Variants in TIAM1 observed in about 807,000 individuals in gnomAD.
The protein encoded by TIAM1 is TIAM Rac1 associated GEF 1.
Under a neutral mutation model 163.5 loss-of-function variants are expected in TIAM1, and 65 were observed. That is an observed-to-expected ratio of 0.40 (90% confidence interval 0.33 to 0.49). TIAM1 has a LOEUF of 0.49. Ranked by LOEUF, TIAM1 falls within the 20% of genes least tolerant of loss-of-function variation. The pLI is 0.77. For missense variants in TIAM1, 1,789 were observed against 2,044.7 expected (o/e 0.87, Z 2.41); for synonymous variants, 833 against 810.1 (o/e 1.03, Z -0.48).
chr21:31,553,232 G>A (rs561732589), intron 1 of TIAM1, among the ~76,000 whole-genome samples: 8 of 152,286 alleles, frequency 5.3e-5, no homozygotes, highest in East Asian at 1.9e-4. Context: ...GGTACCCCAC[G>A]GAGCTTGGGG....
chr21:31,190,305 G>A (rs755045243), intron 13 of TIAM1, among the ~76,000 whole-genome samples: 36 of 152,050 alleles, frequency 2.4e-4, no homozygotes, highest in Admixed American at 6.6e-4. Context: ...CAGCTACTTG[G>A]GAGGCTGAGG....
intron 12 of TIAM1, among the ~76,000 whole-genome samples, chr21:31,195,782 C>CT (rs61121175): frequency 1.3e-3 from 194 of 152,108 alleles, no homozygotes; most frequent in African/African-American, 4.5e-3. Flanking sequence ...GGAGGATATT[C>CT]TTTTTTTTAG....
intron 10 of TIAM1, among the ~76,000 whole-genome samples, chr21:31,210,672 A>G (rs2146559035): frequency 5.0e-5 from 4 of 79,794 alleles, no homozygotes; most frequent in African/African-American, 2.7e-4. Flanking sequence ...AAAGAAAAAG[A>G]AAGAAAGAAA....
rs939008980 is a variant in TIAM1, at chr21:31,145,433, C to A, written c.3475+1462G>T. On this transcript the variant is annotated intron_variant, in intron 20 of 27. Coordinates refer to ENST00000541036, the MANE Select transcript of TIAM1 (RefSeq NM_001353694.2). ...GCAGCTACAGTGAAGTGTTAAGGAA[C>A]AGCAAGCTGATTTCCAGAGATTCTT... Among the ~76,000 whole-genome samples the A allele has an allele frequency of 5.9e-5, 9 of 152,338 alleles. No individual in the cohort carries two copies. In the South Asian group the frequency reaches 1.9e-3, roughly 32 times the overall value.
chr21:31,316,695 C>G (rs888885873), intron 2 of TIAM1, among the ~76,000 whole-genome samples: 2 of 152,242 alleles, frequency 1.3e-5, no homozygotes, highest in Non-Finnish European at 2.9e-5. Context: ...CCTGGCCTCT[C>G]TGAGCCCTCA....
chr21:31,294,090 A>AG (rs1438459564), intron 2 of TIAM1, among the ~76,000 whole-genome samples: 1 of 152,118 alleles, frequency 6.6e-6, no homozygotes, highest in Non-Finnish European at 1.5e-5. Context: ...CAGCATGGTG[A>AG]GGGTGGGGGG....
chr21:31,242,867 AAAAAAAAAAAAAG>A (rs2146707190), intron 6 of TIAM1, among the ~76,000 whole-genome samples: 1 of 143,472 alleles, frequency 7.0e-6, no homozygotes, highest in South Asian at 2.1e-4. Context: ...TCTCAAAAAA[AAAAAAAAAAAAAG>A]AAAAAAGAAA....
At chr21:31,204,023 A>G (rs2086332043) in intron 11 of TIAM1, among the ~76,000 whole-genome samples, 1 of 152,254 alleles carries the variant, frequency 6.6e-6, no homozygotes, top group Admixed American at 6.5e-5. Flanking sequence ...CCTGTCTAAA[A>G]AGTAATCTTT....
At position 31,425,863 on chromosome 21, in the gene TIAM1, AT is replaced by A. The variant is rs557950351; in HGVS notation, c.-369+38119del. 3.6e-4 allele frequency among the ~76,000 whole-genome samples: 55 copies of A among 151,560 alleles called. 2 individuals are homozygous for A. The East Asian group carries it at 0.011, about 30-fold the overall frequency. On this transcript the variant is annotated intron_variant, in intron 2 of 28. Transcript: ENST00000286827. ...AAGCACATGCCACCACACCCACCTAATTTTTTGTACTTTTAATAGAGATAGG... is the reference window on the plus strand; with the variant it reads ...AAGCACATGCCACCACACCCACCTAATTTTTGTACTTTTAATAGAGATAGG...
intron 6 of TIAM1, among the ~76,000 whole-genome samples, chr21:31,228,868 G>A (rs1334418911): frequency 1.3e-5 from 2 of 152,180 alleles, no homozygotes; most frequent in African/African-American, 2.4e-5. Context: ...AAGCAAACAC[G>A]TCCTTCTTCT....
intron 2 of TIAM1, among the ~76,000 whole-genome samples, chr21:31,315,679 C>CAAAAAAAAAAAAAAAAAAAAAA (rs58560437): frequency 2.5e-4 from 20 of 80,248 alleles, no homozygotes; most frequent in African/African-American, 6.3e-4. Flanking sequence ...AACTCCATCT[C>CAAAAAAAAAAAAAAAAAAAAAA]AAAAAAAAAA....
chr21:31,322,235 A>C (rs1454825323), intron 2 of TIAM1, among the ~76,000 whole-genome samples: 1 of 152,100 alleles, frequency 6.6e-6, no homozygotes, highest in African/African-American at 2.4e-5. Context: ...AAGGAAAGAA[A>C]ATACTAGCTT....
At chr21:31,482,706 T>G (rs2046152772) in intron 1 of TIAM1, among the ~76,000 whole-genome samples, 2 of 152,318 alleles carry the variant, frequency 1.3e-5, no homozygotes, top group African/African-American at 4.8e-5. Context: ...CACGCCTACC[T>G]GCCTGCCCAT....
intron 27 of TIAM1, among the ~76,000 whole-genome samples, 179 bp from the exon 28 acceptor site, chr21:31,121,016 C>G (rs115876248): frequency 3.3e-5 from 5 of 152,096 alleles, no homozygotes; most frequent in East Asian, 1.9e-4. Context: ...TTTACCTTGT[C>G]GAGGTATCTG....
intron 1 of TIAM1, among the ~76,000 whole-genome samples, chr21:31,522,465 G>A (rs1013339786): frequency 3.0e-4 from 45 of 150,804 alleles, no homozygotes; most frequent in Non-Finnish European, 1.3e-4. Flanking sequence ...AGCCGAGATC[G>A]CACCATTGCA....
intron 23 of TIAM1, among the ~76,000 whole-genome samples, chr21:31,133,426 A>C (rs1401212902): frequency 6.6e-6 from 1 of 152,164 alleles, no homozygotes; most frequent in Non-Finnish European, 1.5e-5. Context: ...CTCCATTTAC[A>C]CCAGGGACAG....
chr21:31,419,490 A>T (rs906666252), intron 2 of TIAM1, among the ~76,000 whole-genome samples: 2 of 152,222 alleles, frequency 1.3e-5, no homozygotes, highest in African/African-American at 4.8e-5. Context: ...AGCAACACTT[A>T]CAAGTGAGCT....
In TIAM1 at chr21:31,120,977, T is replaced by C; in HGVS notation, c.4307-140A>G. ...CCTTGATGTCTTTTGGGGCTTAAAG[T>C]CTACATATCACCAATCTGTCATGGA... is the stretch of plus-strand genomic sequence containing the variant. On this transcript the variant is annotated intron_variant, in intron 27 of 27. Coordinates refer to ENST00000541036, the MANE Select transcript of TIAM1 (RefSeq NM_001353694.2). The surrounding 1 kb of genome is among the most constrained non-coding windows in gnomAD (Gnocchi z 4.2). 1 of 759,206 alleles carries C rather than the reference T, an allele frequency of 1.3e-6. No homozygotes were observed. The highest frequency in any genetic ancestry group is 2.1e-6 in the Non-Finnish European group (1 of 482,076). 47.0% of individuals were successfully genotyped at this position (759,206 alleles called of 1,614,324 possible). A position where few individuals can be genotyped will look rare whatever the true frequency, so the allele number is the denominator to read the frequency against.
chr21:31,161,457 C>A (rs1269145373), intron 16 of TIAM1, among the ~76,000 whole-genome samples: 1 of 152,138 alleles, frequency 6.6e-6, no homozygotes, highest in Non-Finnish European at 1.5e-5. Context: ...TTCCCCTGCC[C>A]CTCCCCAGCG....
Sources: allele counts gnomAD v4.1 joint callset (sites outside exome capture counted in the v4.1 genomes callset), GRCh38; gene constraint gnomAD v4.1.1; non-coding constraint Gnocchi (gnomAD v3.1); transcripts MANE v1.5; gene names NCBI Gene and HGNC (gene_info 2026-07-23, HGNC 2026-07-21).